Variants in KIFC3 observed in about 807,000 individuals in gnomAD.
KIFC3 encodes kinesin family member C3.
In KIFC3, 60 loss-of-function variants were observed where a neutral mutation model predicts 101.8. The ratio of observed to expected loss-of-function variants is 0.59; its 90% CI spans 0.48 to 0.73. The LOEUF is 0.73. KIFC3 is among the 30% of genes least tolerant of loss of function. The pLI is 0.00. For synonymous variants in KIFC3, 476 were observed against 482.7 expected (o/e 0.99, Z 0.18); for missense variants, 966 against 1,137.1 (o/e 0.85, Z 2.16).
Position 57,758,386 on chromosome 16 carries a change from A to G in KIFC3, c.*548T>C, listed in dbSNP as rs2049384924. The G allele has an allele frequency of 2.9e-6, 1 of 346,982 alleles. No individual in the cohort carries two copies. The highest frequency in any genetic ancestry group is 5.6e-6 in the Non-Finnish European group (1 of 177,238). 21.5% of individuals were successfully genotyped at this position (346,982 alleles called of 1,614,324 possible). A position where few individuals can be genotyped will look rare whatever the true frequency, so the allele number is the denominator to read the frequency against. ...TGCCTCTGCCAGCCATAAACACAGC[A>G]CGGCCCCGTGGCGGGAGGCCATGCG... On this transcript the variant is annotated 3_prime_UTR_variant, in exon 20 of 20. Coordinates refer to ENST00000445690, the MANE Select transcript of KIFC3 (RefSeq NM_001130100.2).
chr16:57,765,205 G>T (rs781817718), intron 11 of KIFC3, among the ~76,000 whole-genome samples: 2 of 152,122 alleles, frequency 1.3e-5, no homozygotes, highest in Non-Finnish European at 2.9e-5. Context: ...CCTTGGGGAC[G>T]GGAGGAACCA....
intron 3 of KIFC3, among the ~76,000 whole-genome samples, chr16:57,777,998 G>C (rs1209553744): frequency 6.6e-6 from 1 of 152,124 alleles, no homozygotes; most frequent in Non-Finnish European, 1.5e-5. Context: ...ACTCAAAATA[G>C]ATCAAAGAGG....
At chr16:57,794,398 T>G (rs2054132956) in intron 3 of KIFC3, among the ~76,000 whole-genome samples, 2 of 151,698 alleles carry the variant, frequency 1.3e-5, no homozygotes, top group Non-Finnish European at 2.9e-5. Context: ...ATTTTTTATT[T>G]TTCTTTTTGT....
chr16:57,835,011 A>T (rs1555480099), intron 1 of KIFC3, among the ~76,000 whole-genome samples: 1 of 152,248 alleles, frequency 6.6e-6, no homozygotes, highest in African/African-American at 2.4e-5. Flanking sequence ...GGAGGAAAAA[A>T]AATGCAACAG....
chr16:57,817,005 T>C (rs1441487523), intron 1 of KIFC3: 1 of 322,956 alleles, frequency 3.1e-6, no homozygotes, highest in African/African-American at 2.2e-5. Flanking sequence ...ATCACATGCA[T>C]TCATTTCCTG....
upstream of KIFC3, chr16:57,802,875 C>A: frequency 5.7e-6 from 7 of 1,220,632 alleles, no homozygotes; most frequent in South Asian, 7.7e-5. The surrounding 1 kb of genome is among the most constrained non-coding windows in gnomAD (Gnocchi z 5.0). Context: ...AACTTCCACG[C>A]GAGTACTCAC....
intron 1 of KIFC3, among the ~76,000 whole-genome samples, chr16:57,850,915 C>T (rs1312486433): frequency 6.6e-6 from 1 of 151,898 alleles, no homozygotes; most frequent in Non-Finnish European, 1.5e-5. Context: ...TTTGAAATTG[C>T]TGATTTGATT....
At chr16:57,770,074 G>T in intron 7 of KIFC3, 119 bp from the exon 8 acceptor site, 1 of 1,255,760 alleles carries the variant, frequency 8.0e-7, no homozygotes, top group Non-Finnish European at 1.1e-6. Context: ...ACACACACAT[G>T]TGCACACCCA....
chr16:57,787,379 C>CGGAGA (rs1555618250), intron 3 of KIFC3, among the ~76,000 whole-genome samples: 2 of 152,226 alleles, frequency 1.3e-5, no homozygotes, highest in Non-Finnish European at 2.9e-5. Context: ...AATGAGGTCT[C>CGGAGA]GGAGAGCCCA....
intron 3 of KIFC3, among the ~76,000 whole-genome samples, chr16:57,777,477 T>C (rs1287985835): frequency 6.6e-6 from 1 of 152,158 alleles, no homozygotes; most frequent in Non-Finnish European, 1.5e-5. Context: ...TCCCAGCACT[T>C]TGGGAGGCCG....
chr16:57,771,989 C>T (rs1203682734), intron 4 of KIFC3, among the ~76,000 whole-genome samples: 3 of 152,088 alleles, frequency 2.0e-5, no homozygotes, highest in African/African-American at 7.2e-5. Context: ...ATATTTATAC[C>T]AGGGTTCACA....
chr16:57,761,367 T>C (rs782247072), intron 14 of KIFC3, 46 bp downstream of exon 14: 1 of 1,612,696 alleles, frequency 6.2e-7, no homozygotes, highest in Non-Finnish European at 8.5e-7. Context: ...CCCAGTTGTG[T>C]CCTCTAGAGC....
intron 1 of KIFC3, among the ~76,000 whole-genome samples, chr16:57,799,889 AG>A (rs1284483991): frequency 1.3e-5 from 2 of 152,200 alleles, no homozygotes; most frequent in African/African-American, 4.8e-5. Flanking sequence ...CTGAAAGCCC[AG>A]ACAGGCAGAA....
intron 15 of KIFC3, 23 bp from the exon 16 acceptor site, chr16:57,760,978 A>T (rs1567928609): frequency 6.2e-7 from 1 of 1,605,004 alleles, no homozygotes; most frequent in Non-Finnish European, 8.5e-7. Flanking sequence ...CACCCACCAG[A>T]TCAGGCCTGC....
intron 11 of KIFC3, 32 bp downstream of exon 11, chr16:57,765,427 G>C: frequency 6.5e-7 from 1 of 1,544,708 alleles, no homozygotes; most frequent in Non-Finnish European, 8.8e-7. Flanking sequence ...TCTCTCCCTT[G>C]CTTTCCCTTT....
intron 1 of KIFC3, among the ~76,000 whole-genome samples, chr16:57,838,286 GC>G (rs1421547163): frequency 6.6e-6 from 1 of 152,160 alleles, no homozygotes; most frequent in Non-Finnish European, 1.5e-5. Flanking sequence ...CCTCCAAGCA[GC>G]CTCTGAGATT....
chr16:57,851,634 C>T (rs1596883566), intron 1 of KIFC3, among the ~76,000 whole-genome samples: 1 of 151,492 alleles, frequency 6.6e-6, no homozygotes. Context: ...TGGCACAATC[C>T]CGACTCACTG....
chr16:57,815,846 C>A (rs1235708129), intron 1 of KIFC3, among the ~76,000 whole-genome samples: 3 of 152,244 alleles, frequency 2.0e-5, no homozygotes, highest in Non-Finnish European at 4.4e-5. Flanking sequence ...TGCCACTCCC[C>A]CACCTCAGGC....
chr16:57,803,203 G>C, upstream of KIFC3: 1 of 729,358 alleles, frequency 1.4e-6, no homozygotes, highest in Admixed American at 2.0e-5. Flanking sequence ...AGCAGTTCCC[G>C]GCCTTGCTGC....
Sources: gnomAD v4.1 joint callset for allele counts (sites outside exome capture counted in the v4.1 genomes callset) on GRCh38, gnomAD v4.1.1 for gene constraint, Gnocchi (gnomAD v3.1) non-coding constraint, MANE v1.5 for transcripts, NCBI Gene and HGNC (gene_info 2026-07-23, HGNC 2026-07-21) for gene names.